The following SUPT3H variants were observed in gnomAD, a reference collection of about 807,000 sequenced individuals.
SUPT3H encodes the protein transcription initiation protein SPT3 homolog.
A neutral mutation model predicts 44.3 loss-of-function variants in SUPT3H; 44 were observed. That is an observed-to-expected ratio of 0.99 (90% CI 0.78 to 1.28). The LOEUF (loss-of-function observed/expected upper bound fraction) is 1.28, where lower values mean the gene tolerates loss of function less well. SUPT3H is among the 50% of genes most tolerant of loss of function. The probability of loss-of-function intolerance (pLI) is 0.00; values close to 1 mark genes in which losing one functional copy is unlikely to be tolerated. For synonymous variants in SUPT3H, 124 were observed against 125.6 expected (o/e 0.99, Z 0.09); for missense variants, 380 against 387.1 (o/e 0.98, Z 0.15).
At chr6:45,218,333 CAG>C (rs1765425767) in intron 2 of SUPT3H, among the ~76,000 whole-genome samples, 1 of 152,088 alleles carries the variant, frequency 6.6e-6, no homozygotes, top group African/African-American at 2.4e-5. Flanking sequence ...CAACCAAAAA[CAG>C]AGTCTCGAAT....
intron 7 of SUPT3H, among the ~76,000 whole-genome samples, chr6:44,959,458 A>G (rs1220861165): frequency 6.6e-6 from 1 of 152,192 alleles, no homozygotes; most frequent in Non-Finnish European, 1.5e-5. Context: ...CTCTCTGATT[A>G]CAAACAAAAT....
intron 6 of SUPT3H, among the ~76,000 whole-genome samples, chr6:44,997,982 AT>A (rs1781497405): frequency 6.6e-6 from 1 of 151,866 alleles, no homozygotes; most frequent in African/African-American, 2.4e-5. Flanking sequence ...CAAGGAAAAA[AT>A]CCTACTCAGT....
chr6:45,146,150 A>G lies in SUPT3H; in HGVS notation c.102-40144T>C, dbSNP rs150314109. ...TACAAGTAGCACCATCATTTGATCC[A>G]GCATCCCACTCCTGGGTATCTACCC... is the stretch of plus-strand genomic sequence containing the variant. On this transcript the variant is annotated intron_variant, in intron 2 of 10. Transcript: ENST00000371459. Among the ~76,000 whole-genome samples the G allele has an allele frequency of 1.7e-4, 26 of 152,296 alleles. No individual in the cohort carries two copies. In the East Asian group the frequency reaches 4.1e-3, roughly 24 times the overall value.
chr6:44,929,987 C>A (rs1486446407), intron 10 of SUPT3H, among the ~76,000 whole-genome samples: 3 of 152,190 alleles, frequency 2.0e-5, no homozygotes, highest in Admixed American at 2.0e-4. Context: ...GTGGCTCATA[C>A]CTGTAATCCC....
intron 2 of SUPT3H, among the ~76,000 whole-genome samples, chr6:45,171,877 C>A (rs938991042): frequency 1.3e-5 from 2 of 151,228 alleles, no homozygotes; most frequent in Admixed American, 1.3e-4. Flanking sequence ...AACACCACGC[C>A]CAGCTAATTT....
intron 2 of SUPT3H, among the ~76,000 whole-genome samples, chr6:45,130,102 A>G (rs1480820207): frequency 6.6e-6 from 1 of 152,180 alleles, no homozygotes; most frequent in Non-Finnish European, 1.5e-5. Flanking sequence ...GAGTTGTGAA[A>G]CCATCACATT....
At chr6:45,283,077 T>C (rs4441951) in intron 2 of SUPT3H, among the ~76,000 whole-genome samples, 2 of 152,100 alleles carry the variant, frequency 1.3e-5, no homozygotes, top group South Asian at 2.1e-4. Flanking sequence ...AAAGAGCTCC[T>C]GAAGGAAGCA....
At chr6:45,001,345 G>A (rs1292263240) in intron 6 of SUPT3H, among the ~76,000 whole-genome samples, 2 of 151,988 alleles carry the variant, frequency 1.3e-5, no homozygotes, top group African/African-American at 4.8e-5. Flanking sequence ...TCTACTATAG[G>A]TATGCCCAAG....
chr6:45,173,919 T>C (rs1300462705), intron 2 of SUPT3H, among the ~76,000 whole-genome samples: 1 of 152,240 alleles, frequency 6.6e-6, no homozygotes, highest in Non-Finnish European at 1.5e-5. Context: ...TTTATTGTTC[T>C]ACTCACACCA....
intron 2 of SUPT3H, among the ~76,000 whole-genome samples, chr6:45,320,489 G>C (rs1785320124): frequency 6.6e-6 from 1 of 150,680 alleles, no homozygotes; most frequent in African/African-American, 2.4e-5. Flanking sequence ...ATGTTGCCCA[G>C]GCTGGTCTCG....
At chr6:45,071,697 T>C (rs1583391775) in intron 3 of SUPT3H, among the ~76,000 whole-genome samples, 1 of 152,170 alleles carries the variant, frequency 6.6e-6, no homozygotes, top group African/African-American at 2.4e-5. Context: ...CTGTCCAAAA[T>C]GAGCCCTGAC....
intron 2 of SUPT3H, among the ~76,000 whole-genome samples, chr6:45,195,123 A>T (rs1815797905): frequency 6.6e-6 from 1 of 152,162 alleles, no homozygotes; most frequent in Non-Finnish European, 1.5e-5. Flanking sequence ...TGGCAGGATA[A>T]TGGAAAAGAA....
chr6:45,044,273 T>C (rs2153531924), intron 3 of SUPT3H, among the ~76,000 whole-genome samples: 1 of 152,304 alleles, frequency 6.6e-6, no homozygotes, highest in East Asian at 1.9e-4. Flanking sequence ...TCCTGCTTTG[T>C]ATGCCTTTGA....
intron 3 of SUPT3H, among the ~76,000 whole-genome samples, chr6:45,044,484 A>G (rs1468467220): frequency 1.3e-5 from 2 of 152,124 alleles, no homozygotes; most frequent in African/African-American, 4.8e-5. Flanking sequence ...TTATCTGTAA[A>G]TCACTTGTAG....
intron 4 of SUPT3H, among the ~76,000 whole-genome samples, chr6:45,016,192 TATG>T (rs1190581020): frequency 6.6e-6 from 1 of 152,074 alleles, no homozygotes; most frequent in African/African-American, 2.4e-5. Flanking sequence ...ACAATGTTAG[TATG>T]ATACCTACAA....
At position 45,313,993 on chromosome 6, in the gene SUPT3H, C is replaced by T. The variant is rs1784349856; in HGVS notation, c.101+51208G>A. 2.6e-5 allele frequency among the ~76,000 whole-genome samples: 4 copies of T among 152,256 alleles called. No homozygotes were observed. In the South Asian group the frequency reaches 8.3e-4, roughly 32 times the overall value. On this transcript the variant is annotated intron_variant, in intron 2 of 10. Coordinates refer to ENST00000371459, the MANE Select transcript of SUPT3H (RefSeq NM_003599.4). ...GGATGCAGGGATGGTTTAACATATG[C>T]AAGTCAATAAATATATTTCACCACA...
intron 9 of SUPT3H, among the ~76,000 whole-genome samples, chr6:44,949,235 C>T (rs184015854): frequency 7.3e-5 from 11 of 150,918 alleles, no homozygotes; most frequent in South Asian, 2.1e-4. Context: ...CACCAGGGCC[C>T]GTTGTGGGGT....
chr6:45,255,418 G>GTTTTTT (rs11394172), intron 2 of SUPT3H, among the ~76,000 whole-genome samples: 2 of 116,226 alleles, frequency 1.7e-5, no homozygotes, highest in East Asian at 2.5e-4. Flanking sequence ...CCTATAATAG[G>GTTTTTT]TTTTTTTTTT....
intron 2 of SUPT3H, among the ~76,000 whole-genome samples, chr6:45,285,632 T>C (rs1779093809): frequency 2.6e-5 from 4 of 152,072 alleles, no homozygotes. Context: ...TGCTCATGGG[T>C]AGGAAGAATT....
Sources: gnomAD v4.1 joint callset for allele counts (sites outside exome capture counted in the v4.1 genomes callset) on GRCh38, gnomAD v4.1.1 for gene constraint, MANE v1.5 for transcripts, NCBI Gene and HGNC (gene_info 2026-07-23, HGNC 2026-07-21) for gene names.